The following NNT variants were observed in gnomAD, a reference collection of about 807,000 sequenced individuals.
The protein encoded by NNT is NAD(P) transhydrogenase, mitochondrial.
In NNT, 50 loss-of-function variants were observed where a neutral mutation model predicts 104.8. The observed-to-expected ratio is 0.48, with a 90% CI of 0.38 to 0.60. The LOEUF (loss-of-function observed/expected upper bound fraction) is 0.60. NNT is among the 20% of genes least tolerant of loss of function. The probability of loss-of-function intolerance (pLI) is 0.00; values close to 1 mark genes in which losing one functional copy is unlikely to be tolerated. For missense variants in NNT, 1,131 were observed against 1,330.7 expected (o/e 0.85, Z 2.33); for synonymous variants, 461 against 490.4 (o/e 0.94, Z 0.79).
chr5:43,663,974 G>A (rs575468527), intron 17 of NNT, among the ~76,000 whole-genome samples: 2 of 152,292 alleles, frequency 1.3e-5, no homozygotes, highest in South Asian at 4.1e-4. Flanking sequence ...GTACCAGTAT[G>A]TTGACCTTCA....
Position 43,652,674 on chromosome 5 carries a change from A to G in NNT, c.1864-344A>G, listed in dbSNP as rs186582907. 2.6e-5 allele frequency among the ~76,000 whole-genome samples: 4 copies of G among 152,328 alleles called. No individual in the cohort carries two copies. The South Asian group carries it at 6.2e-4, about 24-fold the overall frequency. On this transcript the variant is annotated intron_variant, in intron 13 of 21. Transcript: ENST00000344920. ...ATTCTGTCTTTTGCAAAATGAGGAT[A>G]ATGATTTTTCCCTCTTGTGGATCTC...
chr5:43,653,981 AG>A (rs1410020595), intron 14 of NNT, among the ~76,000 whole-genome samples: 1 of 152,030 alleles, frequency 6.6e-6, no homozygotes, highest in Non-Finnish European at 1.5e-5. Context: ...TTTTTTTTCC[AG>A]GAATTTTTAA....
At chr5:43,637,684 A>G (rs926782919) in intron 7 of NNT, among the ~76,000 whole-genome samples, 2 of 152,194 alleles carry the variant, frequency 1.3e-5, no homozygotes, top group Non-Finnish European at 2.9e-5. Flanking sequence ...CACAATATCT[A>G]GAGGAGGTAG....
intron 7 of NNT, among the ~76,000 whole-genome samples, chr5:43,638,673 T>TG (rs1370092997): frequency 6.6e-6 from 1 of 151,594 alleles, no homozygotes; most frequent in Non-Finnish European, 1.5e-5. Context: ...TGTTTTTTTT[T>TG]TTTTTTAGAC....
intron 7 of NNT, among the ~76,000 whole-genome samples, chr5:43,633,774 G>T (rs1297954947): frequency 2.0e-5 from 3 of 152,064 alleles, no homozygotes; most frequent in Non-Finnish European, 2.9e-5. Context: ...TTTCAGTGCT[G>T]TCCCCAAATT....
chr5:43,672,163 T>C (rs1741138986), intron 17 of NNT, among the ~76,000 whole-genome samples: 2 of 152,164 alleles, frequency 1.3e-5, no homozygotes, highest in Non-Finnish European at 1.5e-5. Context: ...CTCTACACTG[T>C]TTATTCTAGT....
intron 14 of NNT, among the ~76,000 whole-genome samples, chr5:43,655,215 TGAA>T (rs1353109609): frequency 6.6e-6 from 1 of 152,152 alleles, no homozygotes; most frequent in African/African-American, 2.4e-5. Flanking sequence ...TTAGGTAGTC[TGAA>T]GAAGTGTTGG....
intron 19 of NNT, among the ~76,000 whole-genome samples, chr5:43,683,716 TCA>T (rs1474542332): frequency 6.6e-6 from 1 of 152,248 alleles, no homozygotes; most frequent in African/African-American, 2.4e-5. Flanking sequence ...TAAAAATTAT[TCA>T]GACAGAAAGA....
At chr5:43,676,237 A>G (rs1026423787) in intron 18 of NNT, among the ~76,000 whole-genome samples, 4 of 152,132 alleles carry the variant, frequency 2.6e-5, no homozygotes, top group Admixed American at 2.6e-4. Context: ...TCAATTTTCC[A>G]GTTTTCTGAG....
chr5:43,646,838 G>C (rs1739472995), intron 10 of NNT, among the ~76,000 whole-genome samples: 1 of 151,904 alleles, frequency 6.6e-6, no homozygotes, highest in African/African-American at 2.4e-5. Flanking sequence ...TTTTCATTTA[G>C]ATCTCTTTCT....
chr5:43,627,874 A>G (rs556193520), intron 6 of NNT, among the ~76,000 whole-genome samples: 36 of 152,310 alleles, frequency 2.4e-4, no homozygotes, highest in African/African-American at 8.4e-4. Context: ...ATCCTGATGT[A>G]TATGAGGTAT....
At chr5:43,681,255 T>A (rs1741696164) in intron 19 of NNT, among the ~76,000 whole-genome samples, 1 of 131,738 alleles carries the variant, frequency 7.6e-6, no homozygotes. Context: ...GCGAGGCTCC[T>A]TCTCAAAAAA....
chr5:43,617,149 A>T (rs1222055101), intron 4 of NNT, among the ~76,000 whole-genome samples: 1 of 152,222 alleles, frequency 6.6e-6, no homozygotes, highest in African/African-American at 2.4e-5. Flanking sequence ...GTGACTTAAA[A>T]TTTTATCTAG....
At chr5:43,699,435 TCTC>T (rs1201014673) in intron 19 of NNT, among the ~76,000 whole-genome samples, 16 of 143,520 alleles carry the variant, frequency 1.1e-4, no homozygotes, top group South Asian at 2.3e-4. Flanking sequence ...CTCACTGCAA[TCTC>T]CTCCTCCTGG....
intron 17 of NNT, among the ~76,000 whole-genome samples, chr5:43,673,431 C>T (rs190054924): frequency 4.6e-5 from 7 of 152,176 alleles, no homozygotes; most frequent in Non-Finnish European, 8.8e-5. Flanking sequence ...GGAACCCAAT[C>T]CTCACTGGAC....
intron 17 of NNT, among the ~76,000 whole-genome samples, chr5:43,666,169 C>G (rs1740662439): frequency 6.6e-6 from 1 of 152,070 alleles, no homozygotes; most frequent in Non-Finnish European, 1.5e-5. Flanking sequence ...GGCAGAGACA[C>G]TCCTCACTTC....
chr5:43,659,177 A>T lies in NNT; in HGVS notation c.2461A>T (p.Thr821Ser). 6.2e-7 allele frequency: 1 copy of T among 1,602,644 alleles called. No individual in the cohort carries two copies. The highest frequency in any genetic ancestry group is 2.3e-5 in the East Asian group (1 of 44,302). Residue 821 changes from threonine (T) to serine (S), a missense_variant, in exon 17 of 22, where the codon ACT becomes TCT. Physicochemically the swap from Thr to Ser is moderately conservative, Grantham distance 58. Coordinates refer to ENST00000344920, the MANE Select transcript of NNT (RefSeq NM_182977.3). ...VSALSAVMGV[T>S]LTAAIGGADM... ...GATTTGATTGTTGTTCTAGGGTGTG[A>T]CTTTGACAGCTGCTATTGGGGGTGC...
At chr5:43,670,985 T>C (rs1027940291) in intron 17 of NNT, among the ~76,000 whole-genome samples, 2 of 152,228 alleles carry the variant, frequency 1.3e-5, no homozygotes, top group Admixed American at 6.5e-5. Context: ...GGTGCATATA[T>C]ATTTAGGATA....
chr5:43,656,143 C>G, intron 15 of NNT, 70 bp downstream of exon 15: 2 of 1,311,276 alleles, frequency 1.5e-6, no homozygotes, highest in Non-Finnish European at 2.2e-6. Flanking sequence ...ATTTTAATTT[C>G]AGAAAATACA....
Sources: gnomAD v4.1 joint callset for allele counts (sites outside exome capture counted in the v4.1 genomes callset) on GRCh38, gnomAD v4.1.1 for gene constraint, MANE v1.5 for transcripts, NCBI Gene and HGNC (gene_info 2026-07-23, HGNC 2026-07-21) for gene names.